The following UBE2K variants were observed in gnomAD, a reference collection of about 807,000 sequenced individuals.
UBE2K encodes the protein ubiquitin conjugating enzyme E2 K, also known as ubiquitin-conjugating enzyme E2 K.
A neutral mutation model predicts 30.0 loss-of-function variants in UBE2K; 6 were observed. The observed-to-expected ratio is 0.20, with a 90% CI of 0.11 to 0.39. The LOEUF is 0.39. Among genes scored for constraint, UBE2K ranks in the 10% least tolerant of loss-of-function variants. UBE2K has a pLI of 1.00. For synonymous variants in UBE2K, 86 were observed against 83.7 expected, an observed-to-expected ratio of 1.03 and a Z score of -0.15; for missense variants, 61 against 241.6, an observed-to-expected ratio of 0.25 and a Z score of 4.96.
intron 4 of UBE2K, among the ~76,000 whole-genome samples, chr4:39,774,443 TAA>T (rs760562620): frequency 7.0e-6 from 1 of 142,384 alleles, no homozygotes; most frequent in Non-Finnish European, 1.5e-5. Flanking sequence ...CCGTCTCTAC[TAA>T]AAAAAAAAAT....
chr4:39,734,222 C>T (rs1388080667), intron 1 of UBE2K, among the ~76,000 whole-genome samples: 1 of 151,474 alleles, frequency 6.6e-6, no homozygotes, highest in African/African-American at 2.4e-5. Flanking sequence ...TCTCGTGCCT[C>T]AACCTCCCAA....
intron 3 of UBE2K, among the ~76,000 whole-genome samples, chr4:39,747,647 T>C (rs1721048062): frequency 6.6e-6 from 1 of 152,068 alleles, no homozygotes; most frequent in African/African-American, 2.4e-5. Flanking sequence ...GATGGAGTCT[T>C]GCTCTGTCTC....
At chr4:39,703,844 C>CAAAAAAA (rs33995934) in intron 1 of UBE2K, among the ~76,000 whole-genome samples, 1 of 105,232 alleles carries the variant, frequency 9.5e-6, no homozygotes, top group Non-Finnish European at 2.1e-5. Context: ...GACTCCATCT[C>CAAAAAAA]AAAAAAAAAA....
intron 4 of UBE2K, among the ~76,000 whole-genome samples, chr4:39,757,185 C>A (rs956618585): frequency 2.0e-5 from 3 of 151,768 alleles, no homozygotes; most frequent in African/African-American, 7.3e-5. Context: ...GCCATCATGC[C>A]CAGCTAATTT....
At chr4:39,723,854 G>A (rs751990650) in intron 1 of UBE2K, among the ~76,000 whole-genome samples, 18 of 151,780 alleles carry the variant, frequency 1.2e-4, no homozygotes, top group African/African-American at 3.9e-4. Context: ...CTCTTGTTGC[G>A]CAGGGTGGAG....
chr4:39,774,080 T>A (rs1713122248), intron 4 of UBE2K, among the ~76,000 whole-genome samples: 1 of 152,004 alleles, frequency 6.6e-6, no homozygotes, highest in Non-Finnish European at 1.5e-5. Context: ...ATGGATCACC[T>A]GAGCTCAGAA....
intron 1 of UBE2K, among the ~76,000 whole-genome samples, chr4:39,703,512 T>C (rs564017597): frequency 6.6e-6 from 1 of 151,890 alleles, no homozygotes; most frequent in East Asian, 1.9e-4. Flanking sequence ...CCCTGTCTCA[T>C]AAATGAAAAA....
rs1205497357 is a variant in UBE2K at position 39,781,715 on chromosome 4, A to G, written c.*3281A>G. 4 of 385,702 alleles carry G rather than the reference A, an allele frequency of 1.0e-5. No homozygotes were observed. The East Asian group carries it at 1.5e-4, about 14-fold the overall frequency. The allele number at this position is 385,702 out of a possible 1,614,324, so 23.9% of individuals were successfully genotyped here. A position where few individuals can be genotyped will look rare whatever the true frequency, so the allele number is the denominator to read the frequency against. On this transcript the variant is annotated 3_prime_UTR_variant, in exon 7 of 7. Coordinates refer to ENST00000261427, the MANE Select transcript of UBE2K (RefSeq NM_005339.5). Reference sequence around the variant, plus strand: ...TAGTATGTAGAGGGAAACAATGTTTAGATAGGAAAAAGGAAGCCGTCTGTT... The same window carrying G: ...TAGTATGTAGAGGGAAACAATGTTTGGATAGGAAAAAGGAAGCCGTCTGTT...
At chr4:39,710,921 A>G (rs1394661569) in intron 1 of UBE2K, among the ~76,000 whole-genome samples, 1 of 152,036 alleles carries the variant, frequency 6.6e-6, no homozygotes, top group South Asian at 2.1e-4. Context: ...CTCTACCCAA[A>G]TACTGTAAAA....
At chr4:39,768,765 G>A (rs1006477351) in intron 4 of UBE2K, among the ~76,000 whole-genome samples, 1 of 152,020 alleles carries the variant, frequency 6.6e-6, no homozygotes, top group African/African-American at 2.4e-5. Flanking sequence ...AGTGTGCGAG[G>A]GTTTCCTTTC....
At chr4:39,705,680 TTTG>T (rs1210214805) in intron 1 of UBE2K, among the ~76,000 whole-genome samples, 1 of 152,050 alleles carries the variant, frequency 6.6e-6, no homozygotes, top group East Asian at 1.9e-4. Context: ...GAGATTCCTT[TTTG>T]TTGTTGTTTT....
intron 4 of UBE2K, among the ~76,000 whole-genome samples, chr4:39,763,045 G>A (rs775803069): frequency 8.0e-5 from 10 of 124,960 alleles, no homozygotes; most frequent in South Asian, 2.6e-4. Flanking sequence ...AGCACTTCTC[G>A]TGCCCTCATG....
At chr4:39,714,544 A>ATTTTTTTTTTTTTTTTTTTT (rs1337587267) in intron 1 of UBE2K, 2 of 21,104 alleles carry the variant, frequency 9.5e-5, no homozygotes, top group South Asian at 2.2e-3. Flanking sequence ...ATATATATAT[A>ATTTTTTTTTTTTTTTTTTTT]TATATATTTT....
At chr4:39,770,881 G>C (rs1400981465) in intron 4 of UBE2K, 1 of 1,543,944 alleles carries the variant, frequency 6.5e-7, no homozygotes, top group Non-Finnish European at 8.7e-7. Flanking sequence ...TCCTCATCCA[G>C]TGGGAACTCC....
intron 2 of UBE2K, among the ~76,000 whole-genome samples, chr4:39,745,416 A>G (rs2109360385): frequency 6.6e-6 from 1 of 152,052 alleles, no homozygotes; most frequent in Middle Eastern, 3.4e-3. Flanking sequence ...AATTCTTAAC[A>G]GGATGGATTA....
At chr4:39,751,492 G>A (rs531244469) in intron 3 of UBE2K, among the ~76,000 whole-genome samples, 2 of 152,126 alleles carry the variant, frequency 1.3e-5, no homozygotes, top group Admixed American at 6.5e-5. Flanking sequence ...AAGCAACATG[G>A]TGAAACCCTG....
At chr4:39,756,130 C>A (rs1174938408) in intron 4 of UBE2K, among the ~76,000 whole-genome samples, 1 of 152,172 alleles carries the variant, frequency 6.6e-6, no homozygotes, top group African/African-American at 2.4e-5. Flanking sequence ...TAATTGAGCA[C>A]AGTTAAGATT....
At chr4:39,711,422 A>C (rs1718673210) in intron 1 of UBE2K, among the ~76,000 whole-genome samples, 1 of 151,772 alleles carries the variant, frequency 6.6e-6, no homozygotes, top group Admixed American at 6.6e-5. Context: ...TCGGCCTCCC[A>C]AAGTGCTGAG....
intron 2 of UBE2K, among the ~76,000 whole-genome samples, chr4:39,743,977 C>T (rs553225985): frequency 6.6e-6 from 1 of 152,262 alleles, no homozygotes; most frequent in African/African-American, 2.4e-5. Context: ...ATTCTTGTGC[C>T]TCAACCTCCT....
Sources: allele counts gnomAD v4.1 joint callset (sites outside exome capture counted in the v4.1 genomes callset), GRCh38; gene constraint gnomAD v4.1.1; transcripts MANE v1.5; gene names NCBI Gene and HGNC (gene_info 2026-07-23, HGNC 2026-07-21).